Variants in DPP10 observed in about 807,000 individuals in gnomAD.
DPP10 encodes inactive dipeptidyl peptidase 10.
DPP10 carries 33 observed loss-of-function variants against 120.9 expected under a neutral mutation model. The ratio of observed to expected loss-of-function variants is 0.27; its 90% CI spans 0.21 to 0.37. The LOEUF is 0.37. Among genes scored for constraint, DPP10 ranks in the 10% least tolerant of loss-of-function variants. The pLI, the probability that DPP10 is intolerant of heterozygous loss-of-function variation, is 1.00. For synonymous variants in DPP10, 337 were observed against 326.1 expected, an observed-to-expected ratio of 1.03 and a Z score of -0.36; for missense variants, 816 against 942.8, an observed-to-expected ratio of 0.87 and a Z score of 1.76.
intron 1 of DPP10, among the ~76,000 whole-genome samples, chr2:114,580,438 T>C (rs1234299197): frequency 6.6e-6 from 1 of 152,212 alleles, no homozygotes; most frequent in Non-Finnish European, 1.5e-5. Context: ...AATGGTTCTC[T>C]ATTTTCAACA....
intron 5 of DPP10, among the ~76,000 whole-genome samples, chr2:115,578,144 C>T (rs2081794484): frequency 6.6e-6 from 1 of 152,170 alleles, no homozygotes. Flanking sequence ...ACTGTCTCTC[C>T]TTTGCTCAAA....
At chr2:115,385,674 A>G (rs936666481) in intron 3 of DPP10, among the ~76,000 whole-genome samples, 3 of 152,140 alleles carry the variant, frequency 2.0e-5, no homozygotes, top group African/African-American at 4.8e-5. Flanking sequence ...TCAGATTTCT[A>G]TAGAGCTGTC....
chr2:114,946,555 C>T (rs1242804021), intron 1 of DPP10, among the ~76,000 whole-genome samples: 1 of 152,046 alleles, frequency 6.6e-6, no homozygotes, highest in African/African-American at 2.4e-5. Flanking sequence ...ATCCCCTATT[C>T]ATGTAATGTT....
chr2:115,555,619 G>A (rs2080161614), intron 5 of DPP10, among the ~76,000 whole-genome samples: 1 of 151,932 alleles, frequency 6.6e-6, no homozygotes, highest in Non-Finnish European at 1.5e-5. Context: ...AAAGTGGGAG[G>A]GCAGAGAGCT....
At chr2:115,234,619 C>T (rs2057904847) in intron 1 of DPP10, 1 of 152,218 alleles carries the variant, frequency 6.6e-6, no homozygotes, top group African/African-American at 2.4e-5. Context: ...CACCTTCTCA[C>T]CATGCACACT....
intron 1 of DPP10, among the ~76,000 whole-genome samples, chr2:114,606,629 A>G (rs1692828263): frequency 6.6e-6 from 1 of 152,184 alleles, no homozygotes; most frequent in Non-Finnish European, 1.5e-5. Flanking sequence ...ATGCAATACC[A>G]TCTGGTGCCC....
intron 1 of DPP10, among the ~76,000 whole-genome samples, chr2:114,777,169 C>T (rs1471410645): frequency 3.3e-5 from 5 of 151,812 alleles, no homozygotes; most frequent in African/African-American, 1.2e-4. Flanking sequence ...TTTTTTATAA[C>T]CATATTCTCA....
chr2:114,461,817 C>T lies in DPP10; in HGVS notation c.60+18979C>T, dbSNP rs866676506. 10 of 985,060 alleles carry T rather than the reference C, an allele frequency of 1.0e-5. No individual in the cohort carries two copies. In the South Asian group the frequency reaches 1.4e-4, roughly 14 times the overall value. The allele number at this position is 985,060 out of a possible 1,614,324, so 61.0% of individuals were successfully genotyped here. ...AATATACACAAGTACCTGGTACATA[C>T]CAAATATGATAGAAGATATCTTCAA... On this transcript the variant is annotated intron_variant, in intron 1 of 25. Coordinates refer to ENST00000410059, the MANE Select transcript of DPP10 (RefSeq NM_020868.6).
At position 115,326,468 on chromosome 2, in the gene DPP10, A is replaced by G. The variant is rs571618389; in HGVS notation, c.175+17115A>G. On this transcript the variant is annotated intron_variant, in intron 2 of 25. Transcript: ENST00000410059. ...TATGTATTTAATATACTACACTTTTATTATTTTACAGTGCATTCCTTCTAC... is the reference window on the plus strand; with the variant it reads ...TATGTATTTAATATACTACACTTTTGTTATTTTACAGTGCATTCCTTCTAC... Among the ~76,000 whole-genome samples, 9 of 152,176 alleles carry G rather than the reference A, an allele frequency of 5.9e-5. No individual in the cohort carries two copies. In the South Asian group the frequency reaches 1.9e-3, roughly 32 times the overall value.
chr2:115,401,650 T>C (rs965888577), intron 3 of DPP10, among the ~76,000 whole-genome samples: 3 of 152,048 alleles, frequency 2.0e-5, no homozygotes, highest in African/African-American at 7.2e-5. Context: ...AAAAATACAA[T>C]AGTAATGGTA....
intron 1 of DPP10, among the ~76,000 whole-genome samples, chr2:114,674,894 G>T (rs556191474): frequency 1.3e-5 from 2 of 152,296 alleles, no homozygotes; most frequent in East Asian, 3.9e-4. Flanking sequence ...TTAGATTACA[G>T]TTAAGACTAT....
chr2:114,718,639 C>T (rs999791864), intron 1 of DPP10, among the ~76,000 whole-genome samples: 17 of 152,024 alleles, frequency 1.1e-4, no homozygotes, highest in African/African-American at 3.6e-4. Context: ...GCCACAGTTT[C>T]GTTAAACAAA....
chr2:115,074,499 G>A (rs149743325), intron 1 of DPP10, among the ~76,000 whole-genome samples: 1 of 152,204 alleles, frequency 6.6e-6, no homozygotes, highest in African/African-American at 2.4e-5. Context: ...AAATGCAATC[G>A]CAAGGTCCTA....
chr2:115,362,000 GTGTATGTTTTGTGTGTA>G (rs1276427393), intron 3 of DPP10, among the ~76,000 whole-genome samples: 1 of 16,466 alleles, frequency 6.1e-5, no homozygotes, highest in African/African-American at 1.5e-4. Context: ...ATGTTTGTGT[GTGTATGTTTTGTGTGTA>G]TGTTTTTGTG....
intron 3 of DPP10, among the ~76,000 whole-genome samples, chr2:115,372,405 T>TA (rs34830863): frequency 0.68 from 103,290 of 151,788 alleles, 35,457 homozygotes; most frequent in Admixed American, 0.75. Flanking sequence ...CCTTTAGAGG[T>TA]AAAAAAAGTC....
intron 5 of DPP10, among the ~76,000 whole-genome samples, chr2:115,665,696 A>G (rs2089397716): frequency 6.7e-6 from 1 of 150,330 alleles, no homozygotes. Flanking sequence ...CACATACGTT[A>G]GAATATTTTA....
intron 4 of DPP10, among the ~76,000 whole-genome samples, chr2:115,518,346 AT>A (rs1361348588): frequency 6.6e-6 from 1 of 152,120 alleles, no homozygotes; most frequent in Non-Finnish European, 1.5e-5. Context: ...GTTTTCTCCT[AT>A]TTTTTGGAAT....
chr2:115,123,675 T>G (rs1169284746), intron 1 of DPP10, among the ~76,000 whole-genome samples: 2 of 152,132 alleles, frequency 1.3e-5, no homozygotes, highest in Non-Finnish European at 2.9e-5. Context: ...AGACCAATTA[T>G]TATTTTAGAG....
chr2:114,660,609 C>T (rs958618563), intron 1 of DPP10, among the ~76,000 whole-genome samples: 1 of 152,166 alleles, frequency 6.6e-6, no homozygotes, highest in African/African-American at 2.4e-5. Flanking sequence ...TGACCTTGCA[C>T]TGCTGAGGAA....
Sources: gnomAD v4.1 joint callset for allele counts (sites outside exome capture counted in the v4.1 genomes callset) on GRCh38, gnomAD v4.1.1 for gene constraint, MANE v1.5 for transcripts, NCBI Gene and HGNC (gene_info 2026-07-23, HGNC 2026-07-21) for gene names.